Variants in AK3 observed in about 807,000 individuals in gnomAD.
AK3 encodes the protein adenylate kinase 3.
AK3 carries 27 observed loss-of-function variants against 23.7 expected under a neutral mutation model. The ratio of observed to expected loss-of-function variants is 1.14; its 90% CI spans 0.84 to 1.57. AK3 has a LOEUF of 1.57. Ranked by LOEUF, AK3 falls within the 40% of genes most tolerant of loss-of-function variation. The pLI is 0.00. For synonymous variants in AK3, 159 were observed against 116.0 expected (o/e 1.37, Z -2.38); for missense variants, 406 against 285.6 (o/e 1.42, Z -3.04).
intron 1 of AK3, among the ~76,000 whole-genome samples, chr9:4,725,140 C>T: frequency 6.6e-6 from 1 of 151,436 alleles, no homozygotes; most frequent in Non-Finnish European, 1.5e-5. Flanking sequence ...TCTCCTGCCT[C>T]AGCCTCCCAA....
chr9:4,738,171 ATCT>A, intron 1 of AK3, among the ~76,000 whole-genome samples: 1 of 152,206 alleles, frequency 6.6e-6, no homozygotes, highest in East Asian at 1.9e-4. Flanking sequence ...AAAATTAAAC[ATCT>A]TTTTTTTTGA....
rs1006843548 is a variant in AK3 at position 4,717,839 on chromosome 9, T to C, written c.563+580A>G. 5.9e-5 allele frequency among the ~76,000 whole-genome samples: 9 copies of C among 152,334 alleles called. No individual in the cohort carries two copies. The East Asian group carries it at 1.5e-3, about 26-fold the overall frequency. ...GGTGCTTGGTATTTTCAAATTACAA[T>C]GGATTTATTAGGATGTAATTTCATT... On this transcript the variant is annotated intron_variant, in intron 4 of 4. Coordinates refer to ENST00000381809, the MANE Select transcript of AK3 (RefSeq NM_016282.4).
rs79383238 is a variant in AK3, at chr9:4,727,137, A to C, written c.152-4512T>G. On this transcript the variant is annotated intron_variant, in intron 1 of 4. Transcript: ENST00000381809. ...CATTTACAGAGCACAGGCAGGGTAGATTTAGATAATTCTCAAGACCCTCGG... is the reference window on the plus strand; with the variant it reads ...CATTTACAGAGCACAGGCAGGGTAGCTTTAGATAATTCTCAAGACCCTCGG... Among the ~76,000 whole-genome samples, 1,376 of 152,278 alleles carry C rather than the reference A, an allele frequency of 9.0e-3. 17 individuals carry two copies. The highest frequency in any genetic ancestry group is 0.032 in the African/African-American group (1,324 of 41,544).
intron 1 of AK3, among the ~76,000 whole-genome samples, chr9:4,725,436 C>T (rs1842001675): frequency 6.6e-6 from 1 of 152,140 alleles, no homozygotes. Context: ...CATTAGACTT[C>T]ATTAAAATTA....
At chr9:4,714,627 CA>C (rs1841671160) in intron 4 of AK3, among the ~76,000 whole-genome samples, 1 of 152,160 alleles carries the variant, frequency 6.6e-6, no homozygotes, top group African/African-American at 2.4e-5. Flanking sequence ...GGCACAATTG[CA>C]GGCACCTATT....
chr9:4,737,409 A>C (rs1281040073), intron 1 of AK3, among the ~76,000 whole-genome samples: 1 of 152,112 alleles, frequency 6.6e-6, no homozygotes. Flanking sequence ...TCCCCCAATA[A>C]ATACTGTTTA....
At chr9:4,735,254 TATATATAA>T (rs1239802930) in intron 1 of AK3, among the ~76,000 whole-genome samples, 150 of 9,116 alleles carry the variant, frequency 0.016, 55 homozygotes, top group African/African-American at 0.058. Flanking sequence ...TAAATATATA[TATATATAA>T]ATATATATAT....
intron 4 of AK3, among the ~76,000 whole-genome samples, chr9:4,713,340 A>T: frequency 6.6e-6 from 1 of 152,186 alleles, no homozygotes; most frequent in East Asian, 1.9e-4. Context: ...CATTTATTTT[A>T]TTTATTGAAC....
At chr9:4,729,233 C>G (rs1423614652) in intron 1 of AK3, among the ~76,000 whole-genome samples, 2 of 152,028 alleles carry the variant, frequency 1.3e-5, no homozygotes, top group Non-Finnish European at 2.9e-5. Context: ...TGGTGCTGAA[C>G]TCCTGACTTT....
At chr9:4,740,101 C>G (rs1375868324) in intron 1 of AK3, among the ~76,000 whole-genome samples, 1 of 149,988 alleles carries the variant, frequency 6.7e-6, no homozygotes, top group East Asian at 1.9e-4. Flanking sequence ...AGAAAAAGGC[C>G]TTGTGGAAGC....
intron 2 of AK3, among the ~76,000 whole-genome samples, chr9:4,720,825 G>C (rs575943842): frequency 1.3e-5 from 2 of 152,296 alleles, no homozygotes; most frequent in East Asian, 3.9e-4. Context: ...CTTACAATGT[G>C]CTAAAATGAC....
intron 1 of AK3, among the ~76,000 whole-genome samples, chr9:4,727,050 G>C (rs190601094): frequency 1.3e-5 from 2 of 152,210 alleles, no homozygotes; most frequent in African/African-American, 4.8e-5. Context: ...TCAACAGTGG[G>C]CTTCAAATAG....
intron 1 of AK3, among the ~76,000 whole-genome samples, chr9:4,737,714 T>A (rs978823235): frequency 1.3e-5 from 2 of 152,146 alleles, no homozygotes; most frequent in Non-Finnish European, 2.9e-5. Context: ...GTGGGGACTC[T>A]GTCTCAAAAA....
intron 1 of AK3, among the ~76,000 whole-genome samples, chr9:4,735,501 A>T (rs142882804): frequency 2.5e-5 from 2 of 80,692 alleles, no homozygotes; most frequent in African/African-American, 8.4e-5. Flanking sequence ...TTTTGGAAAC[A>T]GAGTCTCACT....
In AK3 at chr9:4,719,202, G is replaced by C; in HGVS notation, c.377C>G (p.Thr126Ser). The C allele has an allele frequency of 6.2e-7, 1 of 1,611,924 alleles. No homozygotes were observed. Among genetic ancestry groups the C allele is most frequent in the Non-Finnish European group, 8.5e-7 (1 of 1,179,844 alleles). Residue 126 changes from threonine (T) to serine (S), a missense_variant, in exon 3 of 5, where the codon ACT becomes AGT. By Grantham distance (58) the Thr-to-Ser change is moderately conservative. Coordinates refer to ENST00000381809, the MANE Select transcript of AK3 (RefSeq NM_016282.4). ...ACTGGCGGGATGAATCCAGCGAGCAGTAAGGCGTTGTTTAATGACCTCAAA... is the reference window on the plus strand; with the variant it reads ...ACTGGCGGGATGAATCCAGCGAGCACTAAGGCGTTGTTTAATGACCTCAAA... The part of the protein sequence containing the change: ...VPFEVIKQRL[T>S]ARWIHPASGR...
intron 2 of AK3, among the ~76,000 whole-genome samples, chr9:4,721,254 T>G (rs985932821): frequency 5.3e-5 from 8 of 151,572 alleles, no homozygotes; most frequent in African/African-American, 1.9e-4. Flanking sequence ...AATACAAAAA[T>G]TAGCCACGTG....
At chr9:4,731,622 C>T (rs936558820) in intron 1 of AK3, among the ~76,000 whole-genome samples, 2 of 150,842 alleles carry the variant, frequency 1.3e-5, no homozygotes, top group African/African-American at 2.4e-5. Context: ...AAGCAGTTAA[C>T]ATATTACATT....
Position 4,711,956 on chromosome 9 carries a change from C to T in AK3, c.*1020G>A, listed in dbSNP as rs996482749. 5 of 152,112 alleles carry T rather than the reference C, an allele frequency of 3.3e-5. No homozygotes were observed. Among genetic ancestry groups the T allele is most frequent in the East Asian group, 1.9e-4 (1 of 5,204 alleles). 9.4% of individuals were successfully genotyped at this position (152,112 alleles called of 1,614,324 possible). On this transcript the variant is annotated 3_prime_UTR_variant, in exon 5 of 5. Coordinates refer to ENST00000381809, the MANE Select transcript of AK3 (RefSeq NM_016282.4). ...CCTGTTTACTAATTATGATTGATTG[C>T]TATTTATGCCAAGGGAGCATTTCCC...
At chr9:4,723,857 T>C (rs990617232) in intron 1 of AK3, among the ~76,000 whole-genome samples, 1 of 152,234 alleles carries the variant, frequency 6.6e-6, no homozygotes, top group African/African-American at 2.4e-5. Context: ...TACTCCTCTT[T>C]GGGATTATTT....
Sources: gnomAD v4.1 joint callset for allele counts (sites outside exome capture counted in the v4.1 genomes callset) on GRCh38, gnomAD v4.1.1 for gene constraint, MANE v1.5 for transcripts, NCBI Gene and HGNC (gene_info 2026-07-23, HGNC 2026-07-21) for gene names.